The following LUC7L variants were observed in gnomAD, a reference collection of about 807,000 sequenced individuals.
The protein encoded by LUC7L is LUC7 like.
Under a neutral mutation model 51.1 loss-of-function variants are expected in LUC7L, and 29 were observed. The ratio of observed to expected loss-of-function variants is 0.57; its 90% confidence interval spans 0.42 to 0.77. LUC7L has a LOEUF of 0.77. LUC7L is among the 30% of genes least tolerant of loss of function. The pLI is 0.00. For missense variants in LUC7L, 403 were observed against 511.9 expected (o/e 0.79, Z 2.05); for synonymous variants, 181 against 180.7 (o/e 1.00, Z -0.01).
In LUC7L at chr16:188,995, A is replaced by T; in HGVS notation, c.*203T>A. 1 of 544,058 alleles carries T rather than the reference A, an allele frequency of 1.8e-6. No homozygotes were observed. Among genetic ancestry groups the T allele is most frequent in the Admixed American group, 3.2e-5 (1 of 31,304 alleles). 33.7% of individuals were successfully genotyped at this position (544,058 alleles called of 1,614,324 possible). ...AGCAGAAACCCCCCGCAGCCTCAGG[A>T]GGCAGCATCAGATTTATTTATTCCT... On this transcript the variant is annotated 3_prime_UTR_variant, in exon 10 of 10. Transcript: ENST00000293872.
At chr16:219,200 C>T (rs2049896573) in intron 3 of LUC7L, among the ~76,000 whole-genome samples, 5 of 151,570 alleles carry the variant, frequency 3.3e-5, no homozygotes. Flanking sequence ...ACCAGCCTGG[C>T]CAACATGGTA....
chr16:189,789 G>C (rs181358428), intron 9 of LUC7L, 179 bp downstream of exon 9: 5 of 1,420,734 alleles, frequency 3.5e-6, no homozygotes, highest in Non-Finnish European at 4.6e-6. Flanking sequence ...GGCGCCGTGC[G>C]AGCTCCTCCA....
At chr16:214,336 A>G (rs758479988) in intron 3 of LUC7L, among the ~76,000 whole-genome samples, 7 of 152,204 alleles carry the variant, frequency 4.6e-5, no homozygotes, top group Non-Finnish European at 8.8e-5. Context: ...CTGGGATTAC[A>G]GGTGTGAGCC....
At chr16:210,085 C>T (rs774897564) in intron 3 of LUC7L, among the ~76,000 whole-genome samples, 1 of 152,128 alleles carries the variant, frequency 6.6e-6, no homozygotes, top group African/African-American at 2.4e-5. Context: ...GTCAGGAGTT[C>T]GAGACCAGCT....
intron 2 of LUC7L, among the ~76,000 whole-genome samples, chr16:224,169 G>A (rs1007929725): frequency 4.6e-5 from 7 of 152,262 alleles, no homozygotes; most frequent in African/African-American, 1.7e-4. Context: ...AAAGTATGAA[G>A]TACAAATTGA....
intron 3 of LUC7L, among the ~76,000 whole-genome samples, chr16:216,477 G>C (rs1016895257): frequency 6.6e-6 from 1 of 150,524 alleles, no homozygotes; most frequent in Non-Finnish European, 1.5e-5. Context: ...CCGCCTCCTG[G>C]GTTCCAGTGA....
At chr16:193,441 G>A (rs922561005) in intron 6 of LUC7L, among the ~76,000 whole-genome samples, 3 of 151,952 alleles carry the variant, frequency 2.0e-5, no homozygotes, top group African/African-American at 7.3e-5. Flanking sequence ...CACCGCGCCC[G>A]GCCAACACAT....
intron 5 of LUC7L, among the ~76,000 whole-genome samples, chr16:200,258 T>TA (rs1000941320): frequency 7.9e-5 from 12 of 151,580 alleles, no homozygotes; most frequent in African/African-American, 1.5e-4. Flanking sequence ...CCGTCTCTAC[T>TA]AAAAAAACAG....
At chr16:205,021 C>G in intron 5 of LUC7L, among the ~76,000 whole-genome samples, 1 of 152,162 alleles carries the variant, frequency 6.6e-6, no homozygotes. Flanking sequence ...TTGAGCTCCA[C>G]ACAATGGCAA....
chr16:207,025 C>A (rs368798152), intron 4 of LUC7L, among the ~76,000 whole-genome samples: 33 of 151,830 alleles, frequency 2.2e-4, no homozygotes, highest in African/African-American at 7.5e-4. Flanking sequence ...CAGTGAAACC[C>A]CGTCTCTACT....
chr16:196,203 T>C (rs561217034), intron 6 of LUC7L, among the ~76,000 whole-genome samples: 1 of 151,466 alleles, frequency 6.6e-6, no homozygotes, highest in African/African-American at 2.4e-5. Flanking sequence ...AGCTCAGGAG[T>C]TCGAGATCAG....
chr16:212,442 A>G (rs2049670680), intron 3 of LUC7L, among the ~76,000 whole-genome samples: 1 of 152,192 alleles, frequency 6.6e-6, no homozygotes, highest in Non-Finnish European at 1.5e-5. Flanking sequence ...TCATCCTCAC[A>G]AATCTGAGGC....
chr16:222,922 G>C (rs1234144804), intron 2 of LUC7L, among the ~76,000 whole-genome samples: 1 of 137,676 alleles, frequency 7.3e-6, no homozygotes, highest in Non-Finnish European at 1.5e-5. Context: ...GAGCCACCTC[G>C]CCCAGCTTTT....
intron 6 of LUC7L, among the ~76,000 whole-genome samples, chr16:197,207 CTTTTTTTTT>C: frequency 1.2e-5 from 1 of 80,388 alleles, no homozygotes; most frequent in African/African-American, 5.2e-5. Context: ...TGCACCCAGC[CTTTTTTTTT>C]TTTTTTTTTT....
At chr16:208,327 A>G (rs2049544720) in intron 3 of LUC7L, 139 bp from the exon 4 acceptor site, 2 of 618,300 alleles carry the variant, frequency 3.2e-6, no homozygotes, top group Non-Finnish European at 5.6e-6. Flanking sequence ...CTTAAACTAC[A>G]CTACCACTAA....
intron 5 of LUC7L, among the ~76,000 whole-genome samples, chr16:204,800 T>C (rs1330684802): frequency 6.6e-6 from 1 of 152,166 alleles, no homozygotes; most frequent in East Asian, 1.9e-4. Context: ...ATGGCTGTTC[T>C]TGCCTTCTTG....
In LUC7L at chr16:190,580, G is replaced by T. The variant is rs1378851814; in HGVS notation, c.777-10C>A. 1 of 1,612,642 alleles carries T rather than the reference G, an allele frequency of 6.2e-7. No homozygotes were observed. The highest frequency in any genetic ancestry group is 8.5e-7 in the Non-Finnish European group (1 of 1,179,898). ...GGTTCTTGATCCCGACCTAAAAGGGGGAAAAAAAGATGAACAAGGCCAGGC... is the reference window on the plus strand; with the variant it reads ...GGTTCTTGATCCCGACCTAAAAGGGTGAAAAAAAGATGAACAAGGCCAGGC... On this transcript the variant is annotated splice_polypyrimidine_tract_variant and intron_variant, in intron 7 of 9. Coordinates refer to ENST00000293872, the MANE Select transcript of LUC7L (RefSeq NM_201412.3).
At chr16:205,913 A>T in intron 5 of LUC7L, 91 bp downstream of exon 5, 1 of 1,458,786 alleles carries the variant, frequency 6.9e-7, no homozygotes, top group Non-Finnish European at 9.3e-7. Context: ...TTTTTAAAAA[A>T]TGGGAGCAAG....
intron 6 of LUC7L, among the ~76,000 whole-genome samples, chr16:197,767 C>T (rs1440065833): frequency 1.3e-5 from 2 of 152,140 alleles, no homozygotes; most frequent in African/African-American, 4.8e-5. Context: ...AAAAGGCCCT[C>T]AGCCGTGGTC....
Sources: allele counts gnomAD v4.1 joint callset (sites outside exome capture counted in the v4.1 genomes callset), GRCh38; gene constraint gnomAD v4.1.1; transcripts MANE v1.5; gene names NCBI Gene and HGNC (gene_info 2026-07-23, HGNC 2026-07-21).